MDN1: variants seen among roughly 807,000 people sequenced by gnomAD.
The protein encoded by MDN1 is midasin AAA ATPase 1, also known as midasin.
In MDN1, 266 loss-of-function variants were observed where a neutral mutation model predicts 669.2. The observed-to-expected ratio is 0.40, with a 90% CI of 0.36 to 0.44. The LOEUF (loss-of-function observed/expected upper bound fraction) is 0.44. Ranked by LOEUF, MDN1 falls within the 20% of genes least tolerant of loss-of-function variation. MDN1 has a pLI of 1.00. For missense variants in MDN1, 5,940 were observed against 6,754.0 expected (o/e 0.88, Z 4.22); for synonymous variants, 2,385 against 2,457.1 (o/e 0.97, Z 0.87).
rs566532662 is a variant in MDN1, at chr6:89,657,153, T to C, written c.15184-352A>G. ...ACTTGAGGTTGTCATTTAACTTTAC[T>C]GAGGCTTATTTTTCTCAAATATACA... On this transcript the variant is annotated intron_variant, in intron 90 of 101. Coordinates refer to ENST00000369393, the MANE Select transcript of MDN1 (RefSeq NM_014611.3). Among the ~76,000 whole-genome samples the C allele has an allele frequency of 4.0e-4, 61 of 152,222 alleles. 1 individual carries two copies. Among genetic ancestry groups the C allele is most frequent in the African/African-American group, 1.3e-3 (53 of 41,454 alleles).
At chr6:89,731,415 TG>T (rs1360127657) in intron 34 of MDN1, among the ~76,000 whole-genome samples, 24 of 152,234 alleles carry the variant, frequency 1.6e-4, no homozygotes, top group African/African-American at 4.8e-4. Context: ...ATATACAGCA[TG>T]GAATACTACG....
chr6:89,646,663 A>G lies in MDN1; in HGVS notation c.16396-60T>C, dbSNP rs776145113. ...TATGTGAATGCTCTTCTCATTGTCAAAGAGACTGATAGTATTTCTGACATT... is the reference window on the plus strand; with the variant it reads ...TATGTGAATGCTCTTCTCATTGTCAGAGAGACTGATAGTATTTCTGACATT... On this transcript the variant is annotated intron_variant, in intron 99 of 101. Transcript: ENST00000369393. The G allele has an allele frequency of 3.9e-5, 55 of 1,404,286 alleles. 1 individual carries two copies. The Middle Eastern group carries it at 8.8e-4, about 23-fold the overall frequency. 87.0% of individuals were successfully genotyped at this position (1,404,286 alleles called of 1,614,324 possible).
In MDN1 at chr6:89,716,750, T is replaced by C. The variant is rs1287845503; in HGVS notation, c.6643A>G (p.Ser2215Gly). ...SFGVKLTQLA[S>G]GHSHGTFEWV... ...TCAAATGTGCCATGGCTATGGCCAC[T>C]GGCCAACTGCGTAAGCTTCACACCA... The change falls in exon 44 of 102, where the codon AGT (serine) becomes GGT (glycine). Residue 2215 changes from serine (S) to glycine (G), a missense_variant. Transcript: ENST00000369393. The C allele has an allele frequency of 1.9e-6, 3 of 1,613,910 alleles. No individual in the cohort carries two copies. The highest frequency in any genetic ancestry group is 1.1e-5 in the South Asian group (1 of 91,054).
At chr6:89,656,590 CA>C in intron 91 of MDN1, 109 bp downstream of exon 91, 8 of 896,570 alleles carry the variant, frequency 8.9e-6, no homozygotes, top group South Asian at 3.5e-5. Context: ...GCAACAACAA[CA>C]AAAAAACCAG....
At chr6:89,733,878 G>A (rs1348899651) in intron 33 of MDN1, among the ~76,000 whole-genome samples, 3 of 151,894 alleles carry the variant, frequency 2.0e-5, no homozygotes, top group African/African-American at 7.2e-5. Context: ...GTTCACATAT[G>A]TATTTTTAAA....
At chr6:89,667,989 A>G in intron 84 of MDN1, 25 bp downstream of exon 84, 4 of 1,608,840 alleles carry the variant, frequency 2.5e-6, no homozygotes, top group South Asian at 1.1e-5. Flanking sequence ...TCTTCTGTCA[A>G]CTGTATACCT....
At chr6:89,810,419 G>A (rs1267601308) in intron 1 of MDN1, among the ~76,000 whole-genome samples, 1 of 152,126 alleles carries the variant, frequency 6.6e-6, no homozygotes. Context: ...CTGGGCAACA[G>A]AGTGAGACTC....
At chr6:89,764,336 G>A (rs557481246) in intron 15 of MDN1, among the ~76,000 whole-genome samples, 1 of 152,252 alleles carries the variant, frequency 6.6e-6, no homozygotes, top group African/African-American at 2.4e-5. Flanking sequence ...CAGGTGCGGT[G>A]GCTCACACCT....
intron 97 of MDN1, among the ~76,000 whole-genome samples, chr6:89,649,390 A>G (rs1023700464): frequency 6.6e-6 from 1 of 152,250 alleles, no homozygotes; most frequent in Non-Finnish European, 1.5e-5. Context: ...ATATGAACCC[A>G]GGTTCAGAGG....
intron 1 of MDN1, among the ~76,000 whole-genome samples, chr6:89,810,105 C>A (rs1425138375): frequency 6.7e-6 from 1 of 150,178 alleles, no homozygotes; most frequent in Non-Finnish European, 1.5e-5. Flanking sequence ...GTATTAATTT[C>A]CTGGAGCTGT....
At chr6:89,710,604 GGTC>G in intron 50 of MDN1, 74 bp downstream of exon 50, 1 of 761,914 alleles carries the variant, frequency 1.3e-6, no homozygotes, top group Non-Finnish European at 2.0e-6. Flanking sequence ...ACCTCTAACA[GGTC>G]AGATCTTTTC....
intron 26 of MDN1, among the ~76,000 whole-genome samples, chr6:89,747,821 G>T (rs866788481): frequency 6.6e-6 from 1 of 150,618 alleles, no homozygotes; most frequent in Non-Finnish European, 1.5e-5. Flanking sequence ...AACCCGGGAG[G>T]GGGAGCTTGC....
rs772797337 is a variant in MDN1, at chr6:89,749,820, A to G, written c.3407-69T>C. 1.1e-4 allele frequency: 137 copies of G among 1,199,606 alleles called. No individual in the cohort carries two copies. In the Middle Eastern group the frequency reaches 1.6e-3, roughly 14 times the overall value. The allele number at this position is 1,199,606 out of a possible 1,614,324, so 74.3% of individuals were successfully genotyped here. On this transcript the variant is annotated intron_variant, in intron 24 of 101. Transcript: ENST00000369393. Reference sequence around the variant, plus strand: ...AAAGTTTTAAAATGCATTATGTACAAATCAACAAATCCTAGGTTATCATCA... The same window carrying G: ...AAAGTTTTAAAATGCATTATGTACAGATCAACAAATCCTAGGTTATCATCA...
chr6:89,706,417 G>C (rs1198969310), intron 52 of MDN1, among the ~76,000 whole-genome samples: 2 of 147,656 alleles, frequency 1.4e-5, no homozygotes, highest in Non-Finnish European at 3.0e-5. Flanking sequence ...TTTTTTTTTT[G>C]ATTTTGGAAA....
chr6:89,747,695 T>A (rs1267037307), intron 26 of MDN1, among the ~76,000 whole-genome samples: 1 of 151,472 alleles, frequency 6.6e-6, no homozygotes, highest in African/African-American at 2.4e-5. Context: ...ATCGAGACCA[T>A]CCTGGCTAAC....
intron 14 of MDN1, among the ~76,000 whole-genome samples, chr6:89,771,888 T>G (rs1818098527): frequency 6.6e-6 from 1 of 152,082 alleles, no homozygotes; most frequent in South Asian, 2.1e-4. Context: ...TGTAATTTTT[T>G]GTAGAGACAG....
At position 89,732,790 on chromosome 6, in the gene MDN1, C is replaced by CAAAAAAAAA; in HGVS notation, c.4724-16_4724-15insTTTTTTTTT. The CAAAAAAAAA allele has an allele frequency of 6.2e-7, 1 of 1,603,374 alleles. No individual in the cohort carries two copies. The highest frequency in any genetic ancestry group is 1.1e-5 in the South Asian group (1 of 89,276). On this transcript the variant is annotated splice_polypyrimidine_tract_variant and intron_variant, in intron 33 of 101. Transcript: ENST00000369393. ...TATGTCAGACCCTAAACACAAGAAA[C>CAAAAAAAAA]AAAAAAAGCATTTGCTGTTAACGGG...
At chr6:89,740,091 T>C in intron 32 of MDN1, 143 bp downstream of exon 32, 1 of 897,818 alleles carries the variant, frequency 1.1e-6, no homozygotes, top group Non-Finnish European at 1.6e-6. Context: ...ATAATTATTT[T>C]AAAATATTTT....
At chr6:89,699,103 T>C in intron 58 of MDN1, 68 bp from the exon 59 acceptor site, 1 of 1,371,142 alleles carries the variant, frequency 7.3e-7, no homozygotes, top group South Asian at 1.3e-5. Flanking sequence ...TAGGTCTTCT[T>C]TCTTCTAAGG....
Sources: gnomAD v4.1 joint callset for allele counts (sites outside exome capture counted in the v4.1 genomes callset) on GRCh38, gnomAD v4.1.1 for gene constraint, MANE v1.5 for transcripts, NCBI Gene and HGNC (gene_info 2026-07-23, HGNC 2026-07-21) for gene names.